ADAMTSL1: variants seen among roughly 807,000 people sequenced by gnomAD.
The protein encoded by ADAMTSL1 is ADAMTS like 1.
Under a neutral mutation model 201.8 loss-of-function variants are expected in ADAMTSL1, and 126 were observed. The observed-to-expected ratio is 0.62, with a 90% CI of 0.54 to 0.72. The LOEUF is 0.72. ADAMTSL1 is among the 30% of genes least tolerant of loss of function. The pLI is 0.00. For synonymous variants in ADAMTSL1, 1,121 were observed against 903.4 expected, an observed-to-expected ratio of 1.24 and a Z score of -4.32; for missense variants, 2,679 against 2,277.8, an observed-to-expected ratio of 1.18 and a Z score of -3.59.
chr9:17,956,318 T>C (rs1827930555), intron 1 of ADAMTSL1, among the ~76,000 whole-genome samples: 1 of 152,146 alleles, frequency 6.6e-6, no homozygotes, highest in South Asian at 2.1e-4. Context: ...ATTTTGATCT[T>C]TTCTGTTTTG....
chr9:18,757,975 T>C (rs1819867503), intron 16 of ADAMTSL1, among the ~76,000 whole-genome samples: 1 of 152,226 alleles, frequency 6.6e-6, no homozygotes, highest in Non-Finnish European at 1.5e-5. Context: ...ACTTTACATA[T>C]TTAACTTACT....
intron 23 of ADAMTSL1, among the ~76,000 whole-genome samples, chr9:18,861,164 A>G (rs538273500): frequency 1.5e-4 from 23 of 152,072 alleles, no homozygotes; most frequent in African/African-American, 5.1e-4. Context: ...CACATCCCTC[A>G]TTATACAGAG....
intron 19 of ADAMTSL1, among the ~76,000 whole-genome samples, chr9:18,779,575 C>G (rs1821264969): frequency 6.6e-6 from 1 of 152,210 alleles, no homozygotes; most frequent in Non-Finnish European, 1.5e-5. Flanking sequence ...CAGCATGCCC[C>G]AGAGCTTGTG....
At chr9:18,577,368 C>G (rs755752566) in intron 4 of ADAMTSL1, among the ~76,000 whole-genome samples, 1 of 152,092 alleles carries the variant, frequency 6.6e-6, no homozygotes, top group Non-Finnish European at 1.5e-5. Context: ...TGCTCGTATT[C>G]GCAGCTATTT....
chr9:18,515,290 C>T (rs1009198261), intron 2 of ADAMTSL1, among the ~76,000 whole-genome samples: 1 of 152,004 alleles, frequency 6.6e-6, no homozygotes, highest in African/African-American at 2.4e-5. Flanking sequence ...TCTCTAGCTC[C>T]CTGAAAAAGT....
intron 17 of ADAMTSL1, among the ~76,000 whole-genome samples, chr9:18,772,687 G>C (rs1451184781): frequency 6.6e-6 from 1 of 152,172 alleles, no homozygotes. Flanking sequence ...AAAATACTTT[G>C]TGCCTACTAA....
chr9:18,519,886 C>G (rs1043174471), intron 2 of ADAMTSL1, among the ~76,000 whole-genome samples: 5 of 152,156 alleles, frequency 3.3e-5, no homozygotes, highest in African/African-American at 1.2e-4. Flanking sequence ...TGTCATCATT[C>G]TCACCTTTTT....
chr9:18,048,584 T>C (rs994901498), intron 1 of ADAMTSL1, among the ~76,000 whole-genome samples: 4 of 152,176 alleles, frequency 2.6e-5, no homozygotes, highest in African/African-American at 9.6e-5. Flanking sequence ...GTGTGAGATA[T>C]ATGGGGATTC....
intron 23 of ADAMTSL1, among the ~76,000 whole-genome samples, chr9:18,874,278 C>CTTTCTTTCT (rs1828015985): frequency 6.6e-6 from 1 of 152,038 alleles, no homozygotes; most frequent in African/African-American, 2.4e-5. Flanking sequence ...TTTGGATGCG[C>CTTTCTTTCT]TTTCTTTCTT....
intron 22 of ADAMTSL1, among the ~76,000 whole-genome samples, 187 bp downstream of exon 22, chr9:18,826,650 C>A (rs1268815038): frequency 6.6e-6 from 1 of 152,202 alleles, no homozygotes; most frequent in Non-Finnish European, 1.5e-5. Flanking sequence ...AGAGCTTGAA[C>A]CTTGGCTCTT....
chr9:18,628,065 T>C (rs189806353), intron 5 of ADAMTSL1, among the ~76,000 whole-genome samples: 1 of 152,340 alleles, frequency 6.6e-6, no homozygotes, highest in African/African-American at 2.4e-5. Flanking sequence ...AATTGCTTAA[T>C]GTTATCTTTC....
intron 13 of ADAMTSL1, among the ~76,000 whole-genome samples, chr9:18,701,991 G>C (rs1831950520): frequency 6.6e-6 from 1 of 152,174 alleles, no homozygotes; most frequent in Non-Finnish European, 1.5e-5. Context: ...GTTCCATGTG[G>C]CTGGGGAGGC....
At chr9:18,608,664 C>T (rs59437243) in intron 4 of ADAMTSL1, among the ~76,000 whole-genome samples, 2,403 of 152,256 alleles carry the variant, frequency 0.016, 81 homozygotes, top group African/African-American at 0.054. Flanking sequence ...AGCCAAATTG[C>T]TACCTCCAGC....
At chr9:18,521,889 A>G (rs1818718506) in intron 2 of ADAMTSL1, among the ~76,000 whole-genome samples, 1 of 152,214 alleles carries the variant, frequency 6.6e-6, no homozygotes, top group African/African-American at 2.4e-5. Context: ...ATGGCTTGTC[A>G]TCTAACTCCT....
At chr9:18,646,092 A>G (rs1355812491) in intron 7 of ADAMTSL1, among the ~76,000 whole-genome samples, 1 of 151,836 alleles carries the variant, frequency 6.6e-6, no homozygotes, top group Non-Finnish European at 1.5e-5. Context: ...TTCTCCTTGA[A>G]GAGGTCCTTC....
intron 4 of ADAMTSL1, among the ~76,000 whole-genome samples, chr9:18,616,354 ACC>A (rs1305722548): frequency 6.6e-6 from 1 of 152,156 alleles, no homozygotes; most frequent in Non-Finnish European, 1.5e-5. Context: ...ATGTCCCCTG[ACC>A]ATTAGGCTTC....
intron 26 of ADAMTSL1, among the ~76,000 whole-genome samples, chr9:18,896,913 A>C (rs1335457498): frequency 6.6e-6 from 1 of 152,126 alleles, no homozygotes; most frequent in Non-Finnish European, 1.5e-5. Flanking sequence ...ATGGCACCTC[A>C]GAAGTTAAGA....
chr9:18,321,924 A>AAATTTTACAAG (rs1249116328), intron 2 of ADAMTSL1, among the ~76,000 whole-genome samples: 8 of 152,236 alleles, frequency 5.3e-5, no homozygotes, highest in Admixed American at 1.3e-4. Flanking sequence ...TGAAAGATTA[A>AAATTTTACAAG]AATTTTACAA....
chr9:18,016,395 G>A (rs886283332), intron 1 of ADAMTSL1, among the ~76,000 whole-genome samples: 2 of 152,018 alleles, frequency 1.3e-5, no homozygotes, highest in African/African-American at 4.8e-5. Flanking sequence ...TTCTAGTATC[G>A]GTTGTCCTTT....
Sources: gnomAD v4.1 joint callset for allele counts (sites outside exome capture counted in the v4.1 genomes callset) on GRCh38, gnomAD v4.1.1 for gene constraint, MANE v1.5 for transcripts, NCBI Gene and HGNC (gene_info 2026-07-23, HGNC 2026-07-21) for gene names.